Variants in ST18 observed in about 807,000 individuals in gnomAD.
The protein encoded by ST18 is ST18 C2H2C-type zinc finger transcription factor.
In ST18, 50 loss-of-function variants were observed where a neutral mutation model predicts 110.0. That is an observed-to-expected ratio of 0.45 (90% confidence interval 0.36 to 0.58). The LOEUF is 0.58. Ranked by LOEUF, ST18 falls within the 20% of genes least tolerant of loss-of-function variation. ST18 has a pLI of 0.00. For synonymous variants in ST18, 461 were observed against 452.4 expected, an observed-to-expected ratio of 1.02 and a Z score of -0.24; for missense variants, 1,306 against 1,280.1, an observed-to-expected ratio of 1.02 and a Z score of -0.31.
At chr8:52,321,598 C>T (rs16917675) in intron 2 of ST18, among the ~76,000 whole-genome samples, 21,497 of 152,092 alleles carry the variant, frequency 0.14, 1,846 homozygotes, top group African/African-American at 0.25. Flanking sequence ...AGGAGAACAG[C>T]CCGTTGCCTC....
At position 52,131,996 on chromosome 8, in the gene ST18, C is replaced by T; in HGVS notation, c.2628G>A (p.Gly876=). 5 of 1,614,192 alleles carry T rather than the reference C, an allele frequency of 3.1e-6. No individual in the cohort carries two copies. The highest frequency in any genetic ancestry group is 4.2e-6 in the Non-Finnish European group (5 of 1,180,040). Residue 876 remains glycine, a synonymous_variant, in exon 22 of 26, where the codon GGG becomes GGA. Transcript: ENST00000689386. Reference sequence around the variant, plus strand: ...CAAAAACATTATTTACATGGCCCAGCCCATTGCAGCCTGGCAAGGGACAAT... The same window carrying T: ...CAAAAACATTATTTACATGGCCCAGTCCATTGCAGCCTGGCAAGGGACAAT... ...LPHCPLPGCN[G]LGHVNNVFVT...
intron 2 of ST18, among the ~76,000 whole-genome samples, chr8:52,284,486 A>AG (rs1202280583): frequency 1.3e-5 from 2 of 152,190 alleles, no homozygotes; most frequent in Non-Finnish European, 2.9e-5. Context: ...TCCCTATGAG[A>AG]GAACACAGGG....
chr8:52,353,110 G>A (rs1409422384), intron 2 of ST18, among the ~76,000 whole-genome samples: 3 of 152,178 alleles, frequency 2.0e-5, no homozygotes, highest in Admixed American at 2.0e-4. Context: ...ATATCAAAGG[G>A]AGTAAGATGT....
intron 2 of ST18, among the ~76,000 whole-genome samples, chr8:52,273,667 T>A (rs902086252): frequency 6.6e-6 from 1 of 152,240 alleles, no homozygotes; most frequent in African/African-American, 2.4e-5. Flanking sequence ...TCAGGCAAAA[T>A]GGGTTCTATT....
At chr8:52,191,392 C>T (rs1253749661) in intron 8 of ST18, among the ~76,000 whole-genome samples, 2 of 152,126 alleles carry the variant, frequency 1.3e-5, no homozygotes, top group Non-Finnish European at 2.9e-5. Flanking sequence ...CTCACCAAGT[C>T]ATAATGTCAA....
chr8:52,384,227 T>A (rs951228306), intron 2 of ST18, among the ~76,000 whole-genome samples: 7 of 152,196 alleles, frequency 4.6e-5, no homozygotes, highest in African/African-American at 1.7e-4. Flanking sequence ...GTAACTTTTT[T>A]ATGGAAATCA....
chr8:52,388,931 A>G (rs1001805827), intron 2 of ST18, among the ~76,000 whole-genome samples: 7 of 150,190 alleles, frequency 4.7e-5, no homozygotes, highest in African/African-American at 7.3e-5. Context: ...TAACCTGCAC[A>G]TTGTGCACAT....
intron 2 of ST18, among the ~76,000 whole-genome samples, chr8:52,302,465 C>T (rs772974716): frequency 6.6e-6 from 1 of 152,152 alleles, no homozygotes; most frequent in Non-Finnish European, 1.5e-5. Flanking sequence ...TTCCCTAACT[C>T]TGTTCAATGA....
At position 52,112,977 on chromosome 8, in the gene ST18, A is replaced by T; in HGVS notation, c.*221T>A. On this transcript the variant is annotated 3_prime_UTR_variant, in exon 26 of 26. Transcript: ENST00000689386. Reference sequence around the variant, plus strand: ...AAATAAAAGAAAAACATATGAAAATAAATAAGATCTAATAATTGACTGCAT... The same window carrying T: ...AAATAAAAGAAAAACATATGAAAATTAATAAGATCTAATAATTGACTGCAT... The T allele has an allele frequency of 2.6e-6, 1 of 388,676 alleles. No homozygotes were observed. Among genetic ancestry groups the T allele is most frequent in the Non-Finnish European group, 4.5e-6 (1 of 224,444 alleles). 24.1% of individuals were successfully genotyped at this position (388,676 alleles called of 1,614,324 possible).
chr8:52,360,424 A>G (rs1564574883), intron 2 of ST18, among the ~76,000 whole-genome samples: 1 of 152,128 alleles, frequency 6.6e-6, no homozygotes, highest in African/African-American at 2.4e-5. Flanking sequence ...TTAAATATAA[A>G]TATATTATGG....
intron 8 of ST18, among the ~76,000 whole-genome samples, chr8:52,189,933 A>C (rs1318270492): frequency 6.6e-6 from 1 of 152,210 alleles, no homozygotes; most frequent in Non-Finnish European, 1.5e-5. Flanking sequence ...GAGACCCACA[A>C]ATGAAATCCT....
At chr8:52,138,215 T>C (rs529262624) in intron 17 of ST18, among the ~76,000 whole-genome samples, 2 of 152,200 alleles carry the variant, frequency 1.3e-5, no homozygotes, top group East Asian at 3.9e-4. Flanking sequence ...TTATATGACA[T>C]ATTCCAGAAA....
intron 2 of ST18, among the ~76,000 whole-genome samples, chr8:52,239,481 G>A (rs1360923700): frequency 6.6e-6 from 1 of 152,246 alleles, no homozygotes; most frequent in South Asian, 2.1e-4. Flanking sequence ...ATCACACAGG[G>A]AAATCAGTTT....
intron 2 of ST18, among the ~76,000 whole-genome samples, chr8:52,233,119 A>C (rs900559667): frequency 1.1e-4 from 17 of 152,226 alleles, no homozygotes; most frequent in Non-Finnish European, 2.4e-4. Flanking sequence ...AAATTTGATT[A>C]ATACCAGTGT....
At chr8:52,199,228 C>G (rs1157058368) in intron 8 of ST18, 1 of 151,592 alleles carries the variant, frequency 6.6e-6, no homozygotes, top group Non-Finnish European at 1.5e-5. Flanking sequence ...TTCATCTAGA[C>G]AACATGGACA....
chr8:52,217,445 G>A (rs1262363094), intron 6 of ST18, among the ~76,000 whole-genome samples: 1 of 151,986 alleles, frequency 6.6e-6, no homozygotes, highest in Non-Finnish European at 1.5e-5. Flanking sequence ...ATATAAAAAG[G>A]AGAAAAATGT....
Position 52,183,719 on chromosome 8 carries a change from C to T in ST18, c.87-3407G>A, listed in dbSNP as rs143204780. Among the ~76,000 whole-genome samples, 820 of 152,302 alleles carry T rather than the reference C, an allele frequency of 5.4e-3. 2 individuals are homozygous for T. The highest frequency in any genetic ancestry group is 0.02 in the Middle Eastern group (6 of 294). On this transcript the variant is annotated intron_variant, in intron 8 of 25. Coordinates refer to ENST00000689386, the MANE Select transcript of ST18 (RefSeq NM_001352837.2). Reference sequence around the variant, plus strand: ...GTCTTGGCTCCCAGCTCAGGGCTCTCTGGACTCCATCAACACTGGCTAATG... The same window carrying T: ...GTCTTGGCTCCCAGCTCAGGGCTCTTTGGACTCCATCAACACTGGCTAATG...
intron 8 of ST18, among the ~76,000 whole-genome samples, chr8:52,191,485 G>A (rs985687193): frequency 6.6e-6 from 1 of 152,208 alleles, no homozygotes; most frequent in Non-Finnish European, 1.5e-5. Context: ...CAAGCCATAT[G>A]AGCAGGCAGC....
At chr8:52,394,460 C>T (rs1434081207) in intron 2 of ST18, among the ~76,000 whole-genome samples, 4 of 152,156 alleles carry the variant, frequency 2.6e-5, no homozygotes, top group African/African-American at 9.7e-5. Context: ...CTCCTTGTCC[C>T]CAAAAGTGCA....
Sources: allele counts gnomAD v4.1 joint callset (sites outside exome capture counted in the v4.1 genomes callset), GRCh38; gene constraint gnomAD v4.1.1; transcripts MANE v1.5; gene names NCBI Gene and HGNC (gene_info 2026-07-23, HGNC 2026-07-21).